KNTC1: variants seen among roughly 807,000 people sequenced by gnomAD.
The protein encoded by KNTC1 is kinetochore-associated protein 1.
A neutral mutation model predicts 314.4 loss-of-function variants in KNTC1; 253 were observed. The ratio of observed to expected loss-of-function variants is 0.80; its 90% CI spans 0.73 to 0.89. The LOEUF is 0.89. Ranked by LOEUF, KNTC1 falls within the 40% of genes least tolerant of loss-of-function variation. KNTC1 has a pLI of 0.00. For synonymous variants in KNTC1, 901 were observed against 901.4 expected, an observed-to-expected ratio of 1.00 and a Z score of 0.01; for missense variants, 2,475 against 2,572.9, an observed-to-expected ratio of 0.96 and a Z score of 0.82.
chr12:122,539,182 CA>C (rs942151648), intron 4 of KNTC1, among the ~76,000 whole-genome samples: 1 of 152,170 alleles, frequency 6.6e-6, no homozygotes, highest in African/African-American at 2.4e-5. Flanking sequence ...CAGGAGCAGG[CA>C]GCTTTCTGCT....
intron 35 of KNTC1, 80 bp downstream of exon 35, chr12:122,584,530 A>G (rs1868954165): frequency 1.2e-5 from 12 of 1,033,446 alleles, no homozygotes; most frequent in East Asian, 4.9e-5. Context: ...TCTCTTTACA[A>G]TTGGACATCA....
intron 55 of KNTC1, among the ~76,000 whole-genome samples, chr12:122,614,692 C>T (rs1873575742): frequency 1.3e-5 from 2 of 152,000 alleles, no homozygotes; most frequent in East Asian, 1.9e-4. Context: ...ACCAGCCTGC[C>T]CGACATGGTG....
rs1433610163 is a variant in KNTC1, at chr12:122,532,112, C to T, written c.129+1920C>T. 2.7e-5 allele frequency among the ~76,000 whole-genome samples: 4 copies of T among 150,738 alleles called. 1 individual carries two copies. The highest frequency in any genetic ancestry group is 7.3e-5 in the African/African-American group (3 of 41,160). ...ACAGTGATGTGATATTGACTCATTA[C>T]AACCTCCCACTCCTGGATTCAAGTG... is the stretch of plus-strand genomic sequence containing the variant. On this transcript the variant is annotated intron_variant, in intron 2 of 63. Transcript: ENST00000333479.
intron 43 of KNTC1, among the ~76,000 whole-genome samples, chr12:122,596,050 G>A (rs1446857166): frequency 6.9e-6 from 1 of 144,374 alleles, no homozygotes; most frequent in Non-Finnish European, 1.5e-5. Flanking sequence ...AGGCATTTCA[G>A]TTGTCATTTT....
intron 43 of KNTC1, chr12:122,597,254 T>TA (rs1871188497): frequency 6.9e-6 from 1 of 145,582 alleles, no homozygotes; most frequent in African/African-American, 2.6e-5. Flanking sequence ...TTTTTTTTTT[T>TA]TTTTTTTTTT....
chr12:122,609,455 C>T (rs1872887065), intron 52 of KNTC1, 25 bp downstream of exon 52: 2 of 1,439,372 alleles, frequency 1.4e-6, no homozygotes, highest in Non-Finnish European at 9.6e-7. Context: ...TACTTATATT[C>T]ACCTATATCG....
intron 52 of KNTC1, among the ~76,000 whole-genome samples, chr12:122,609,883 G>T (rs577427549): frequency 6.6e-6 from 1 of 152,288 alleles, no homozygotes; most frequent in South Asian, 2.1e-4. Context: ...GTATTCTTGA[G>T]AAGACTCTAT....
intron 37 of KNTC1, among the ~76,000 whole-genome samples, chr12:122,586,387 T>C (rs12315319): frequency 0.04 from 6,138 of 152,194 alleles, 420 homozygotes; most frequent in African/African-American, 0.14. Context: ...CGGCCGATGT[T>C]CTATTTCTTG....
intron 4 of KNTC1, among the ~76,000 whole-genome samples, chr12:122,538,989 G>C (rs146545145): frequency 1.3e-5 from 2 of 152,248 alleles, no homozygotes; most frequent in Non-Finnish European, 2.9e-5. Context: ...CTTGTCTTCA[G>C]CTGGCTGGAT....
chr12:122,552,674 T>C (rs964943991), intron 16 of KNTC1, among the ~76,000 whole-genome samples: 12 of 152,062 alleles, frequency 7.9e-5, no homozygotes, highest in African/African-American at 2.7e-4. Flanking sequence ...AGGAGTGAGA[T>C]TTGATTTTGC....
chr12:122,570,491 G>A (rs1365375182), intron 22 of KNTC1, among the ~76,000 whole-genome samples: 1 of 150,476 alleles, frequency 6.6e-6, no homozygotes, highest in Non-Finnish European at 1.5e-5. Context: ...TCCAGCATGG[G>A]TGATGAGCGA....
At chr12:122,609,581 C>T (rs1361337316) in intron 52 of KNTC1, among the ~76,000 whole-genome samples, 151 bp downstream of exon 52, 2 of 151,924 alleles carry the variant, frequency 1.3e-5, no homozygotes, top group Non-Finnish European at 2.9e-5. Context: ...TAATACGTGG[C>T]TAGGAGTCTG....
Position 122,584,452 on chromosome 12 carries a change from T to G in KNTC1, c.3436+2T>G. 1 of 1,596,668 alleles carries G rather than the reference T, an allele frequency of 6.3e-7. No individual in the cohort carries two copies. The highest frequency in any genetic ancestry group is 8.5e-7 in the Non-Finnish European group (1 of 1,170,372). ...AAGCTGCCACCATTTGCAGTCCAGGTGACAATATTTATAATATACGTAGTT... is the reference window on the plus strand; with the variant it reads ...AAGCTGCCACCATTTGCAGTCCAGGGGACAATATTTATAATATACGTAGTT... On this transcript the variant is annotated splice_donor_variant, in intron 35 of 63. Coordinates refer to ENST00000333479, the MANE Select transcript of KNTC1 (RefSeq NM_014708.6). LOFTEE classifies it high-confidence loss of function.
chr12:122,530,217 T>A (rs200301432), intron 2 of KNTC1, 25 bp downstream of exon 2: 2 of 1,605,318 alleles, frequency 1.2e-6, no homozygotes, highest in Non-Finnish European at 1.7e-6. Context: ...ACTGACTGTT[T>A]CATTCACAGA....
chr12:122,562,369 G>A lies in KNTC1; in HGVS notation c.1543-269G>A, dbSNP rs548100832. ...TCAGTGAAAAAACTGATTTTAAAGA[G>A]TTCCTACAATTAATGTGTATGTGCC... On this transcript the variant is annotated intron_variant, in intron 19 of 63. Coordinates refer to ENST00000333479, the MANE Select transcript of KNTC1 (RefSeq NM_014708.6). 5.3e-5 allele frequency among the ~76,000 whole-genome samples: 8 copies of A among 151,944 alleles called. No homozygotes were observed. The South Asian group carries it at 8.3e-4, about 16-fold the overall frequency.
chr12:122,557,690 G>A lies in KNTC1; in HGVS notation c.1488+1G>A. On this transcript the variant is annotated splice_donor_variant, in intron 18 of 63. Transcript: ENST00000333479. LOFTEE classifies it high-confidence loss of function. The stretch of plus-strand genomic sequence containing the variant: ...GATGCTGAATTATGCCAAAACCAGG[G>A]TAGGTTCGTTTTTTTGTATTTTGTT... 1 of 1,610,314 alleles carries A rather than the reference G, an allele frequency of 6.2e-7. No individual in the cohort carries two copies. The highest frequency in any genetic ancestry group is 8.5e-7 in the Non-Finnish European group (1 of 1,178,070).
At position 122,531,808 on chromosome 12, in the gene KNTC1, A is replaced by T. The variant is rs1453270901; in HGVS notation, c.129+1616A>T. 4.6e-5 allele frequency among the ~76,000 whole-genome samples: 7 copies of T among 152,018 alleles called. No individual in the cohort carries two copies. In the East Asian group the frequency reaches 1.4e-3, roughly 29 times the overall value. Reference sequence around the variant, plus strand: ...GAGTACAGTGGCATGATCTCAGCTCACTGCAAGCTCTGCCTCCCAGGTTCA... The same window carrying T: ...GAGTACAGTGGCATGATCTCAGCTCTCTGCAAGCTCTGCCTCCCAGGTTCA... On this transcript the variant is annotated intron_variant, in intron 2 of 63. Coordinates refer to ENST00000333479, the MANE Select transcript of KNTC1 (RefSeq NM_014708.6).
At chr12:122,537,607 G>A (rs1257756942) in intron 3 of KNTC1, among the ~76,000 whole-genome samples, 1 of 151,668 alleles carries the variant, frequency 6.6e-6, no homozygotes, top group Non-Finnish European at 1.5e-5. Context: ...TAGTAGAGAC[G>A]GAGTTTCACC....
intron 20 of KNTC1, among the ~76,000 whole-genome samples, 157 bp downstream of exon 20, chr12:122,562,856 A>G (rs1292452330): frequency 1.3e-5 from 2 of 151,972 alleles, no homozygotes; most frequent in Non-Finnish European, 2.9e-5. Flanking sequence ...CTAAAATACA[A>G]AAATTAGCCA....
Sources: allele counts gnomAD v4.1 joint callset (sites outside exome capture counted in the v4.1 genomes callset), GRCh38; gene constraint gnomAD v4.1.1; transcripts MANE v1.5; gene names NCBI Gene and HGNC (gene_info 2026-07-23, HGNC 2026-07-21).